The following SMYD1 variants were observed in gnomAD, a reference collection of about 807,000 sequenced individuals.
SMYD1 encodes the protein SET and MYND domain containing 1, also known as histone-lysine N-methyltransferase SMYD1.
SMYD1 carries 49 observed loss-of-function variants against 54.0 expected under a neutral mutation model. The ratio of observed to expected loss-of-function variants is 0.91; its 90% CI spans 0.72 to 1.15. The LOEUF (loss-of-function observed/expected upper bound fraction) is 1.15. SMYD1 is among the 50% of genes most tolerant of loss of function. The pLI, the probability that SMYD1 is intolerant of heterozygous loss-of-function variation, is 0.00. For missense variants in SMYD1, 653 were observed against 639.6 expected (o/e 1.02, Z -0.23); for synonymous variants, 269 against 234.2 (o/e 1.15, Z -1.36).
intron 1 of SMYD1, chr2:88,083,170 G>A (rs913746289): frequency 1.3e-5 from 2 of 152,082 alleles, no homozygotes; most frequent in South Asian, 4.1e-4. Flanking sequence ...GGAGCTCAGC[G>A]CTCCCCTGCA....
Position 88,110,841 on chromosome 2 carries a change from C to A in SMYD1, c.*329C>A. 1 of 225,140 alleles carries A rather than the reference C, an allele frequency of 4.4e-6. No individual in the cohort carries two copies. Among genetic ancestry groups the A allele is most frequent in the Non-Finnish European group, 8.6e-6 (1 of 116,060 alleles). The allele number at this position is 225,140 out of a possible 1,614,324, so 13.9% of individuals were successfully genotyped here. ...TTAAAGCACACTGTAATAATAAATG[C>A]AATTATAAACTATATGGAGGAGGGT... On this transcript the variant is annotated 3_prime_UTR_variant, in exon 10 of 10. Transcript: ENST00000419482.
chr2:88,084,505 C>A lies in SMYD1; in HGVS notation c.314+13C>A. 6.4e-7 allele frequency: 1 copy of A among 1,566,608 alleles called. No homozygotes were observed. The highest frequency in any genetic ancestry group is 8.7e-7 in the Non-Finnish European group (1 of 1,143,036). ...ATGAGAACATCAGGTGAGAGCTGGG[C>A]ACCCTGGTGGTGCTTCAGATTTCCA... On this transcript the variant is annotated intron_variant, in intron 2 of 9. Transcript: ENST00000419482.
intron 1 of SMYD1, chr2:88,082,907 T>C (rs906455065): frequency 6.6e-5 from 10 of 152,102 alleles, no homozygotes; most frequent in African/African-American, 2.4e-4. Flanking sequence ...AGGAGGAAGT[T>C]TGCAACAATT....
At chr2:88,082,565 G>C (rs939116601) in intron 1 of SMYD1, 16 of 154,296 alleles carry the variant, frequency 1.0e-4, no homozygotes, top group African/African-American at 3.9e-4. Context: ...CTGGCCTTTG[G>C]GCTGGTCCTT....
chr2:88,072,005 A>G (rs1215876604), intron 1 of SMYD1, among the ~76,000 whole-genome samples: 31 of 3,566 alleles, frequency 8.7e-3, no homozygotes, highest in African/African-American at 0.021. Context: ...AACATTTGGA[A>G]AAAAAAAAAA....
At chr2:88,086,238 G>C in intron 2 of SMYD1, among the ~76,000 whole-genome samples, 1 of 152,158 alleles carries the variant, frequency 6.6e-6, no homozygotes, top group East Asian at 1.9e-4. Context: ...TTTTCCAACT[G>C]CCTGTGAATC....
In SMYD1 at chr2:88,103,055, C is replaced by G. The variant is rs1674757615; in HGVS notation, c.889-3C>G. The G allele has an allele frequency of 1.9e-6, 3 of 1,613,814 alleles. No homozygotes were observed. The highest frequency in any genetic ancestry group is 1.7e-6 in the Non-Finnish European group (2 of 1,179,794). On this transcript the variant is annotated splice_polypyrimidine_tract_variant and splice_region_variant and intron_variant, in intron 6 of 9. Transcript: ENST00000419482. Reference sequence around the variant, plus strand: ...TCTAGCTCAATGTGTCTCTCTTTCCCAGCCCTCTCAGGAAGTGGTGAAGGA... The same window carrying G: ...TCTAGCTCAATGTGTCTCTCTTTCCGAGCCCTCTCAGGAAGTGGTGAAGGA...
intron 1 of SMYD1, among the ~76,000 whole-genome samples, chr2:88,079,890 C>A (rs1318718747): frequency 6.6e-6 from 1 of 152,198 alleles, no homozygotes; most frequent in African/African-American, 2.4e-5. Context: ...CAATTCTAAA[C>A]AACGTCAAGG....
rs1302953449 is a variant in SMYD1, at chr2:88,088,045, C to T, written c.498C>T (p.Ser166=). Residue 166 remains serine (S), a synonymous_variant, in exon 3 of 10, where the codon AGC becomes AGT. Coordinates refer to ENST00000419482, the MANE Select transcript of SMYD1 (RefSeq NM_198274.4). ...GGCCGCCGCAGAGCCAGCAGTTCAGCATGCAGTACATCTCGCACATCTTCG... is the reference window on the plus strand; with the variant it reads ...GGCCGCCGCAGAGCCAGCAGTTCAGTATGCAGTACATCTCGCACATCTTCG... ...QYWPPQSQQF[S]MQYISHIFGV... The T allele has an allele frequency of 1.2e-6, 2 of 1,613,978 alleles. No individual in the cohort carries two copies. The highest frequency in any genetic ancestry group is 2.7e-5 in the African/African-American group (2 of 74,922).
chr2:88,081,244 G>T (rs193216697), intron 1 of SMYD1, among the ~76,000 whole-genome samples: 20 of 152,070 alleles, frequency 1.3e-4, no homozygotes, highest in African/African-American at 4.6e-4. Context: ...GGTTCTGTGG[G>T]TAGATGCATA....
intron 4 of SMYD1, 121 bp from the exon 5 acceptor site, chr2:88,093,396 G>T: frequency 8.6e-7 from 1 of 1,168,834 alleles, no homozygotes; most frequent in South Asian, 1.2e-5. Context: ...CTAGGATAAA[G>T]GTTATTGTGA....
chr2:88,107,946 T>C lies in SMYD1; in HGVS notation c.1146-425T>C, dbSNP rs555312713. Among the ~76,000 whole-genome samples the C allele has an allele frequency of 5.3e-5, 8 of 152,336 alleles. No individual in the cohort carries two copies. In the South Asian group the frequency reaches 1.4e-3, roughly 28 times the overall value. ...CTTACACTCGGTGCGCTGCACCCAC[T>C]GTCCTGCACCCACTGTCCGACAATC... On this transcript the variant is annotated intron_variant, in intron 8 of 9. Transcript: ENST00000419482.
At position 88,113,317 on chromosome 2, in the gene SMYD1, C is replaced by T. The variant is rs1675072388; in HGVS notation, c.*2805C>T. Reference sequence around the variant, plus strand: ...ACTTCAAGGCAAAAGAACCATGAAACTGTATTTTGAGTTTCTATGTTATAG... The same window carrying T: ...ACTTCAAGGCAAAAGAACCATGAAATTGTATTTTGAGTTTCTATGTTATAG... On this transcript the variant is annotated 3_prime_UTR_variant, in exon 10 of 10. Coordinates refer to ENST00000419482, the MANE Select transcript of SMYD1 (RefSeq NM_198274.4). The T allele has an allele frequency of 6.6e-6, 1 of 152,200 alleles. No individual in the cohort carries two copies. Among genetic ancestry groups the T allele is most frequent in the African/African-American group, 2.4e-5 (1 of 41,464 alleles). 9.4% of individuals were successfully genotyped at this position (152,200 alleles called of 1,614,324 possible). A position where few individuals can be genotyped will look rare whatever the true frequency, so the allele number is the denominator to read the frequency against.
chr2:88,092,113 A>G (rs1339832644), intron 4 of SMYD1, among the ~76,000 whole-genome samples: 1 of 152,126 alleles, frequency 6.6e-6, no homozygotes, highest in African/African-American at 2.4e-5. Context: ...GGCTCAGAAA[A>G]GAGGAAGCCA....
intron 7 of SMYD1, 57 bp downstream of exon 7, chr2:88,103,207 C>G: frequency 6.9e-7 from 1 of 1,443,984 alleles, no homozygotes; most frequent in Non-Finnish European, 9.6e-7. Context: ...AAACATTCTC[C>G]AGTAAGGGAG....
At chr2:88,108,602 G>A (rs1167271317) in intron 9 of SMYD1, 63 bp downstream of exon 9, 2 of 1,462,476 alleles carry the variant, frequency 1.4e-6, no homozygotes, top group African/African-American at 1.4e-5. Flanking sequence ...ATGGGAGTGT[G>A]AGTTCAGGTG....
intron 1 of SMYD1, among the ~76,000 whole-genome samples, chr2:88,070,146 C>T (rs913384751): frequency 6.6e-6 from 1 of 151,472 alleles, no homozygotes; most frequent in Non-Finnish European, 1.5e-5. Context: ...AATGCTTTAC[C>T]CAAACTTGTC....
At chr2:88,076,152 G>A (rs1324772584) in intron 1 of SMYD1, among the ~76,000 whole-genome samples, 1 of 152,180 alleles carries the variant, frequency 6.6e-6, no homozygotes. Flanking sequence ...GTCCTGCCTT[G>A]TTTATATGTG....
chr2:88,110,808 A>G lies in SMYD1; in HGVS notation c.*296A>G, dbSNP rs775515588. ...CGTTGGGTGGGGAAGCAAAATGTAG[A>G]GAAACATTTAAAGCACACTGTAATA... On this transcript the variant is annotated 3_prime_UTR_variant, in exon 10 of 10. Coordinates refer to ENST00000419482, the MANE Select transcript of SMYD1 (RefSeq NM_198274.4). 1.8e-5 allele frequency: 6 copies of G among 327,020 alleles called. No individual in the cohort carries two copies. The highest frequency in any genetic ancestry group is 3.3e-5 in the Non-Finnish European group (6 of 180,800). The allele number at this position is 327,020 out of a possible 1,614,324, so 20.3% of individuals were successfully genotyped here.
Sources: gnomAD v4.1 joint callset for allele counts (sites outside exome capture counted in the v4.1 genomes callset) on GRCh38, gnomAD v4.1.1 for gene constraint, MANE v1.5 for transcripts, NCBI Gene and HGNC (gene_info 2026-07-23, HGNC 2026-07-21) for gene names.